Variants in EZH1 observed in about 807,000 individuals in gnomAD.
EZH1 encodes enhancer of zeste 1 polycomb repressive complex 2 subunit.
In EZH1, 33 loss-of-function variants were observed where a neutral mutation model predicts 100.5. That is an observed-to-expected ratio of 0.33 (90% CI 0.25 to 0.44). The LOEUF (loss-of-function observed/expected upper bound fraction) is 0.44, where lower values mean the gene tolerates loss of function less well. EZH1 is among the 20% of genes least tolerant of loss of function. The pLI is 1.00. For synonymous variants in EZH1, 272 were observed against 313.8 expected (o/e 0.87, Z 1.41); for missense variants, 475 against 928.4 (o/e 0.51, Z 6.35).
chr17:42,716,624 T>C (rs1356022056), intron 10 of EZH1, among the ~76,000 whole-genome samples: 2 of 152,182 alleles, frequency 1.3e-5, no homozygotes, highest in Non-Finnish European at 2.9e-5. Flanking sequence ...GCAATGACCT[T>C]TTGACTTATA....
In EZH1 at chr17:42,702,849, A is replaced by G. The variant is rs1597818912; in HGVS notation, c.2183+28T>C. On this transcript the variant is annotated intron_variant, in intron 20 of 20. Coordinates refer to ENST00000428826, the MANE Select transcript of EZH1 (RefSeq NM_001991.5). ...CCACTCTTTCCAATTCCTGGGCCACATCCCAAGGACCATTACTGGCACCTC... is the reference window on the plus strand; with the variant it reads ...CCACTCTTTCCAATTCCTGGGCCACGTCCCAAGGACCATTACTGGCACCTC... 13 of 1,610,738 alleles carry G rather than the reference A, an allele frequency of 8.1e-6. No individual in the cohort carries two copies. In the East Asian group the frequency reaches 2.9e-4, roughly 36 times the overall value.
rs2053500446 is a variant in EZH1, at chr17:42,712,363, G to T, written c.1327C>A (p.Arg443=). 1.2e-6 allele frequency: 2 copies of T among 1,614,040 alleles called. No homozygotes were observed. The highest frequency in any genetic ancestry group is 1.7e-6 in the Non-Finnish European group (2 of 1,180,046). ...TTGAAGTAGGTGCCATGGAAGACTCGAAAAAGAGATTCTTCAGCCCCAGTC... is the reference window on the plus strand; with the variant it reads ...TTGAAGTAGGTGCCATGGAAGACTCTAAAAAGAGATTCTTCAGCCCCAGTC... ...EWTGAEESLF[R]VFHGTYFNNF... The change falls in exon 12 of 21, where the codon CGA becomes AGA. Residue 443 remains arginine (R), a synonymous_variant. Transcript: ENST00000428826.
rs2053236759 is a variant in EZH1 at position 42,701,373 on chromosome 17, T to G, written c.*1159A>C. 1 of 152,860 alleles carries G rather than the reference T, an allele frequency of 6.5e-6. No individual in the cohort carries two copies. The highest frequency in any genetic ancestry group is 1.5e-5 in the Non-Finnish European group (1 of 68,104). 9.5% of individuals were successfully genotyped at this position (152,860 alleles called of 1,614,324 possible). A position where few individuals can be genotyped will look rare whatever the true frequency, so the allele number is the denominator to read the frequency against. ...GCCTGGGACAGGTGGTCTACCTGCT[T>G]CTTCTCCCACTTCAGATACCCTCTG... On this transcript the variant is annotated 3_prime_UTR_variant, in exon 21 of 21. Transcript: ENST00000428826.
intron 1 of EZH1, among the ~76,000 whole-genome samples, chr17:42,738,032 T>C (rs901742806): frequency 6.6e-6 from 1 of 151,774 alleles, no homozygotes; most frequent in African/African-American, 2.4e-5. Flanking sequence ...AAAAATTAGC[T>C]GGGCATGGTG....
In EZH1 at chr17:42,718,573, G is replaced by A; in HGVS notation, c.812C>T (p.Pro271Leu). The A allele has an allele frequency of 6.2e-7, 1 of 1,614,174 alleles. No homozygotes were observed. Among genetic ancestry groups the A allele is most frequent in the Non-Finnish European group, 8.5e-7 (1 of 1,180,018 alleles). Residue 271 changes from proline (P) to leucine (L), a missense_variant, in exon 9 of 21, where the codon CCT becomes CTT. This residue lies in a region of EZH1 where 180 missense variants were observed against 295.3 expected (regional missense o/e 0.61). Coordinates refer to ENST00000428826, the MANE Select transcript of EZH1 (RefSeq NM_001991.5). This position sits in a 1 kb window ranked among gnomAD's most constrained non-coding sequence, Gnocchi z 4.2. The part of the protein sequence containing the change: ...TEMSDPNALP[P>L]QCTPNIDGPN... ...GCCATCGATGTTGGGTGTGCACTGAGGGGGAAGTGCATTGGGGTCTGACAT... is the reference window on the plus strand; with the variant it reads ...GCCATCGATGTTGGGTGTGCACTGAAGGGGAAGTGCATTGGGGTCTGACAT...
chr17:42,709,592 T>C (rs961407077), intron 13 of EZH1: 1 of 393,852 alleles, frequency 2.5e-6, no homozygotes, highest in Non-Finnish European at 4.6e-6. Context: ...TCATGTCCTA[T>C]TGGCCAGAAG....
intron 1 of EZH1, among the ~76,000 whole-genome samples, chr17:42,743,171 CTT>C (rs543119090): frequency 4.1e-4 from 51 of 123,824 alleles, no homozygotes; most frequent in Admixed American, 5.7e-4. Flanking sequence ...GCCAGGCCTC[CTT>C]TTTTTTTTTT....
At chr17:42,742,686 G>T (rs896598013) in intron 1 of EZH1, among the ~76,000 whole-genome samples, 1 of 152,148 alleles carries the variant, frequency 6.6e-6, no homozygotes, top group East Asian at 1.9e-4. Context: ...TCTACTATGT[G>T]TTACCATTTT....
At chr17:42,743,528 G>A (rs1287073052) in intron 1 of EZH1, among the ~76,000 whole-genome samples, 1 of 150,836 alleles carries the variant, frequency 6.6e-6, no homozygotes, top group Non-Finnish European at 1.5e-5. Context: ...GGAGTGCAGT[G>A]GCAGGATCAG....
intron 1 of EZH1, among the ~76,000 whole-genome samples, chr17:42,734,719 C>T (rs143969328): frequency 0.021 from 3,088 of 149,296 alleles, 111 homozygotes; most frequent in African/African-American, 0.073. Context: ...AAGGGCTGGG[C>T]GCAGTGGCTC....
At position 42,718,400 on chromosome 17, in the gene EZH1, G is replaced by A. The variant is rs763398669; in HGVS notation, c.931+54C>T. 79 of 1,598,538 alleles carry A rather than the reference G, an allele frequency of 4.9e-5. No individual in the cohort carries two copies. Among genetic ancestry groups the A allele is most frequent in the Non-Finnish European group, 6.2e-5 (72 of 1,170,190 alleles). On this transcript the variant is annotated intron_variant, in intron 9 of 20. Coordinates refer to ENST00000428826, the MANE Select transcript of EZH1 (RefSeq NM_001991.5). This position sits in a 1 kb window ranked among gnomAD's most constrained non-coding sequence, Gnocchi z 4.2. ...GAAACCAGAACAAAGAGAAGGAAAT[G>A]GTGGCTGGGGATGGAAGAGAGGAGA... is the stretch of plus-strand genomic sequence containing the variant.
At chr17:42,736,989 T>C (rs959844294) in intron 1 of EZH1, among the ~76,000 whole-genome samples, 9 of 140,020 alleles carry the variant, frequency 6.4e-5, no homozygotes, top group Non-Finnish European at 1.3e-4. Flanking sequence ...AGCTTTACAA[T>C]TTTTTTTTTT....
intron 4 of EZH1, among the ~76,000 whole-genome samples, chr17:42,727,402 G>T (rs1285434647): frequency 6.6e-6 from 1 of 151,638 alleles, no homozygotes; most frequent in African/African-American, 2.4e-5. Flanking sequence ...ACACCACCAT[G>T]TCTGGCTACT....
intron 2 of EZH1, among the ~76,000 whole-genome samples, chr17:42,730,377 G>A (rs2053915929): frequency 6.6e-6 from 1 of 150,534 alleles, no homozygotes; most frequent in African/African-American, 2.4e-5. Context: ...TATGACAGCA[G>A]TATAATCTCA....
At chr17:42,737,857 A>G (rs1029184815) in intron 1 of EZH1, among the ~76,000 whole-genome samples, 23 of 152,096 alleles carry the variant, frequency 1.5e-4, no homozygotes, top group Non-Finnish European at 3.2e-4. Flanking sequence ...ATGGGAAAAC[A>G]TTACTGAAAT....
intron 14 of EZH1, 61 bp from the exon 15 acceptor site, chr17:42,708,144 C>A: frequency 6.6e-7 from 1 of 1,524,916 alleles, no homozygotes; most frequent in Non-Finnish European, 8.8e-7. Flanking sequence ...TCTTCCCTCC[C>A]AAGTGTCCAG....
chr17:42,723,926 A>G (rs2053767085), intron 5 of EZH1, among the ~76,000 whole-genome samples: 1 of 152,202 alleles, frequency 6.6e-6, no homozygotes, highest in Non-Finnish European at 1.5e-5. Flanking sequence ...TCTTGCATTT[A>G]GAGAATTCAG....
At chr17:42,709,053 G>A (rs1263541888) in intron 13 of EZH1, 137 bp from the exon 14 acceptor site, 11 of 902,736 alleles carry the variant, frequency 1.2e-5, no homozygotes, top group Middle Eastern at 2.2e-4. Context: ...TCAACAGGAC[G>A]ACTTTGGTAC....
intron 4 of EZH1, among the ~76,000 whole-genome samples, chr17:42,725,488 C>T (rs1247783930): frequency 2.0e-5 from 3 of 151,852 alleles, no homozygotes; most frequent in Non-Finnish European, 2.9e-5. Context: ...GCTATATTGC[C>T]CACGCTGGTC....
Sources: gnomAD v4.1 joint callset for allele counts (sites outside exome capture counted in the v4.1 genomes callset) on GRCh38, gnomAD v4.1.1 for gene constraint, gnomAD v4.1.1 regional missense constraint, Gnocchi (gnomAD v3.1) non-coding constraint, MANE v1.5 for transcripts, NCBI Gene and HGNC (gene_info 2026-07-23, HGNC 2026-07-21) for gene names.